The following ITGA1 variants were observed in gnomAD, a reference collection of about 807,000 sequenced individuals.
ITGA1 encodes integrin alpha-1.
In ITGA1, 85 loss-of-function variants were observed where a neutral mutation model predicts 145.9. That is an observed-to-expected ratio of 0.58 (90% CI 0.49 to 0.70). ITGA1 has a LOEUF of 0.70. ITGA1 is among the 30% of genes least tolerant of loss of function. ITGA1 has a pLI of 0.00. For missense variants in ITGA1, 1,351 were observed against 1,418.7 expected, an observed-to-expected ratio of 0.95 and a Z score of 0.77; for synonymous variants, 520 against 495.3, an observed-to-expected ratio of 1.05 and a Z score of -0.66.
intron 2 of ITGA1, among the ~76,000 whole-genome samples, chr5:52,853,750 A>G (rs1440235437): frequency 6.6e-6 from 1 of 152,196 alleles, no homozygotes; most frequent in African/African-American, 2.4e-5. Context: ...TCTGATTAAG[A>G]TCAGCTGTTG....
chr5:52,947,451 C>T lies in ITGA1; in HGVS notation c.3485C>T (p.Ala1162Val). The T allele has an allele frequency of 6.2e-7, 1 of 1,610,016 alleles. No individual in the cohort carries two copies. Among genetic ancestry groups the T allele is most frequent in the Non-Finnish European group, 8.5e-7 (1 of 1,176,392 alleles). Residue 1162 changes from alanine (A) to valine (V), a missense_variant, in exon 28 of 29, where the codon GCA becomes GTA. By Grantham distance (64) the Ala-to-Val change is moderately conservative. Transcript: ENST00000282588. ...GLLLLMLLIL[A>V]LWKIGFFKRP... ...TTGCTGTTAATGCTGCTCATTTTAG[C>T]ACTGTGGAAGGTAAACACCAAAATT... is the stretch of plus-strand genomic sequence containing the variant.
chr5:52,832,801 G>GTC (rs1393851998), intron 1 of ITGA1, among the ~76,000 whole-genome samples: 1 of 147,562 alleles, frequency 6.8e-6, no homozygotes, highest in Non-Finnish European at 1.5e-5. Flanking sequence ...GTGTGTGTGT[G>GTC]TGTGTGTGTG....
chr5:52,918,234 G>T (rs749264137), intron 15 of ITGA1, among the ~76,000 whole-genome samples: 3 of 152,234 alleles, frequency 2.0e-5, no homozygotes, highest in South Asian at 2.1e-4. Flanking sequence ...TTAACCTTAA[G>T]AATTAAATGA....
intron 1 of ITGA1, among the ~76,000 whole-genome samples, chr5:52,812,279 T>C (rs1354117250): frequency 6.6e-6 from 1 of 152,226 alleles, no homozygotes; most frequent in Non-Finnish European, 1.5e-5. Flanking sequence ...TGAATATTTA[T>C]TGATGCCATT....
At chr5:52,863,056 T>A (rs79338266) in intron 3 of ITGA1, among the ~76,000 whole-genome samples, 2,846 of 152,324 alleles carry the variant, frequency 0.019, 85 homozygotes, top group East Asian at 0.16. Context: ...TAATTTTGGA[T>A]CATAACCTGG....
At chr5:52,946,716 T>A (rs918247308) in intron 27 of ITGA1, among the ~76,000 whole-genome samples, 1 of 152,138 alleles carries the variant, frequency 6.6e-6, no homozygotes, top group Non-Finnish European at 1.5e-5. Context: ...GCTGGAACAC[T>A]AAAAGCGGTC....
chr5:52,842,852 AT>A (rs59758874), intron 1 of ITGA1, among the ~76,000 whole-genome samples: 1,904 of 151,778 alleles, frequency 0.013, 44 homozygotes, highest in African/African-American at 0.044. Context: ...TGCCCAGCTA[AT>A]TTTTTTTAAT....
intron 11 of ITGA1, chr5:52,905,194 G>A (rs906699469): frequency 2.0e-5 from 3 of 152,142 alleles, no homozygotes; most frequent in African/African-American, 7.2e-5. Context: ...ATGCTCCAAG[G>A]TGTCTTTGAA....
At chr5:52,816,877 T>C (rs1037621093) in intron 1 of ITGA1, among the ~76,000 whole-genome samples, 2 of 152,216 alleles carry the variant, frequency 1.3e-5, no homozygotes, top group African/African-American at 2.4e-5. Context: ...CTGTCTGTAT[T>C]ATGACTAGCT....
chr5:52,800,295 C>T (rs1412307784), intron 1 of ITGA1: 1 of 1,358,392 alleles, frequency 7.4e-7, no homozygotes, highest in Admixed American at 2.0e-5. Flanking sequence ...GAAACCGGGC[C>T]CCGCCCCCTT....
chr5:52,910,721 T>C (rs1005364485), intron 14 of ITGA1, among the ~76,000 whole-genome samples: 29 of 146,862 alleles, frequency 2.0e-4, no homozygotes, highest in African/African-American at 5.9e-4. Flanking sequence ...ATATGGTATA[T>C]ATAGTGTGTA....
At chr5:52,801,155 G>A in intron 1 of ITGA1, 2 of 1,558,720 alleles carry the variant, frequency 1.3e-6, no homozygotes, top group Non-Finnish European at 1.7e-6. Context: ...ATTAAGAATG[G>A]GCAGAGGGAT....
chr5:52,911,846 C>T (rs1022286834), intron 14 of ITGA1, among the ~76,000 whole-genome samples: 1 of 131,724 alleles, frequency 7.6e-6, no homozygotes, highest in Non-Finnish European at 1.6e-5. Context: ...TATGGTGTAT[C>T]TATATACACA....
At chr5:52,928,267 T>G (rs1270234449) in intron 20 of ITGA1, among the ~76,000 whole-genome samples, 2 of 152,170 alleles carry the variant, frequency 1.3e-5, no homozygotes, top group East Asian at 1.9e-4. Context: ...ACATAACATA[T>G]CTGATAAAAT....
intron 1 of ITGA1, among the ~76,000 whole-genome samples, chr5:52,798,288 G>A (rs926328009): frequency 6.6e-6 from 1 of 152,118 alleles, no homozygotes; most frequent in Non-Finnish European, 1.5e-5. Flanking sequence ...GAAGTAAGGG[G>A]AGACATAGAG....
At chr5:52,822,501 A>G (rs960767879) in intron 1 of ITGA1, among the ~76,000 whole-genome samples, 4 of 152,210 alleles carry the variant, frequency 2.6e-5, no homozygotes, top group African/African-American at 9.7e-5. Flanking sequence ...CTGCATTGCT[A>G]GTTTCCTAGA....
In ITGA1 at chr5:52,801,049, G is replaced by A. The variant is rs752511091; in HGVS notation, c.61+12635G>A. ...AGGATTTGTGAGGGAGCAGTTCTGC[G>A]ACTACCTGTTTCAACAAGCAGTGAA... On this transcript the variant is annotated intron_variant, in intron 1 of 28. Coordinates refer to ENST00000282588, the MANE Select transcript of ITGA1 (RefSeq NM_181501.2). The A allele has an allele frequency of 3.1e-6, 5 of 1,613,860 alleles. No individual in the cohort carries two copies. The East Asian group carries it at 8.9e-5, about 29-fold the overall frequency.
chr5:52,793,173 T>C (rs1748274511), intron 1 of ITGA1, among the ~76,000 whole-genome samples: 1 of 152,106 alleles, frequency 6.6e-6, no homozygotes, highest in Non-Finnish European at 1.5e-5. Flanking sequence ...GGTATTATAA[T>C]TAACTATCTA....
chr5:52,916,097 C>T (rs1232015823), intron 15 of ITGA1, among the ~76,000 whole-genome samples: 1 of 152,088 alleles, frequency 6.6e-6, no homozygotes, highest in Non-Finnish European at 1.5e-5. Context: ...TGGCCCAGTT[C>T]TTTCAGATAC....
Sources: allele counts gnomAD v4.1 joint callset (sites outside exome capture counted in the v4.1 genomes callset), GRCh38; gene constraint gnomAD v4.1.1; transcripts MANE v1.5; gene names NCBI Gene and HGNC (gene_info 2026-07-23, HGNC 2026-07-21).